Variants in FTO observed in about 807,000 individuals in gnomAD.
The protein encoded by FTO is FTO alpha-ketoglutarate dependent dioxygenase.
A neutral mutation model predicts 63.9 loss-of-function variants in FTO; 47 were observed. The ratio of observed to expected loss-of-function variants is 0.74; its 90% CI spans 0.58 to 0.94. The LOEUF is 0.94. FTO is among the 40% of genes least tolerant of loss of function. The pLI, the probability that FTO is intolerant of heterozygous loss-of-function variation, is 0.00. For synonymous variants in FTO, 207 were observed against 224.4 expected (o/e 0.92, Z 0.69); for missense variants, 562 against 618.1 (o/e 0.91, Z 0.96).
intron 8 of FTO, among the ~76,000 whole-genome samples, chr16:53,972,479 A>G (rs1010784576): frequency 6.6e-6 from 1 of 152,232 alleles, no homozygotes; most frequent in African/African-American, 2.4e-5. Flanking sequence ...TGCCATGTAG[A>G]TATTAAGTTG....
rs1351530156 is a variant in FTO at position 54,115,685 on chromosome 16, T to C, written c.*3770T>C. On this transcript the variant is annotated 3_prime_UTR_variant, in exon 9 of 9. Coordinates refer to ENST00000471389, the MANE Select transcript of FTO (RefSeq NM_001080432.3). ...GACCAGGAGGGGAGAAGGGGAGATG[T>C]AGGGCAGAGCAGACGGGAGCCGCTC... The C allele has an allele frequency of 1.3e-5, 2 of 152,114 alleles. No individual in the cohort carries two copies. Among genetic ancestry groups the C allele is most frequent in the Non-Finnish European group, 2.9e-5 (2 of 68,194 alleles). 9.4% of individuals were successfully genotyped at this position (152,114 alleles called of 1,614,324 possible). A position where few individuals can be genotyped will look rare whatever the true frequency, so the allele number is the denominator to read the frequency against.
chr16:54,052,113 T>C (rs1207997352), intron 8 of FTO, among the ~76,000 whole-genome samples: 1 of 152,180 alleles, frequency 6.6e-6, no homozygotes, highest in Admixed American at 6.5e-5. Context: ...GGATCATTCG[T>C]GTCTTATACT....
chr16:53,984,230 G>C (rs576945971), intron 8 of FTO, among the ~76,000 whole-genome samples: 2 of 151,834 alleles, frequency 1.3e-5, no homozygotes, highest in South Asian at 4.2e-4. Flanking sequence ...AAGTTTACAG[G>C]GCATAACCAC....
At chr16:54,064,831 C>T (rs566970770) in intron 8 of FTO, among the ~76,000 whole-genome samples, 18 of 152,218 alleles carry the variant, frequency 1.2e-4, no homozygotes, top group Admixed American at 4.6e-4. Flanking sequence ...CAGGGAAGCA[C>T]GCCAGATAAC....
rs57004473 is a variant in FTO, at chr16:53,852,101, C to CAAAAAAAAAAAAA, written c.895+7810_895+7822dup. Among the ~76,000 whole-genome samples, 50 of 54,430 alleles carry CAAAAAAAAAAAAA rather than the reference C, an allele frequency of 9.2e-4. 8 individuals are homozygous for CAAAAAAAAAAAAA. Among genetic ancestry groups the CAAAAAAAAAAAAA allele is most frequent in the African/African-American group, 2.2e-3 (38 of 16,908 alleles). 35.7% of individuals were successfully genotyped at this position (54,430 alleles called of 152,430 possible). ...CAAAACTCTGTCTCTACAAAAAATA[C>CAAAAAAAAAAAAA]AAAAAAAAAAAAAAAAAAAGCCAGG... On this transcript the variant is annotated intron_variant, in intron 4 of 8. Transcript: ENST00000471389.
In FTO at chr16:54,120,392, C is replaced by G. The variant is rs1052813822; in HGVS notation, c.*8477C>G. ...CTTCCGGAATGTCAGACTCTGCTAG[C>G]AACACAAGGTCCCTGTCCTCAAAAT... On this transcript the variant is annotated 3_prime_UTR_variant, in exon 9 of 9. Coordinates refer to ENST00000471389, the MANE Select transcript of FTO (RefSeq NM_001080432.3). 2 of 152,254 alleles carry G rather than the reference C, an allele frequency of 1.3e-5. No homozygotes were observed. The highest frequency in any genetic ancestry group is 2.9e-5 in the Non-Finnish European group (2 of 68,062). 9.4% of individuals were successfully genotyped at this position (152,254 alleles called of 1,614,324 possible).
intron 4 of FTO, among the ~76,000 whole-genome samples, chr16:53,871,286 T>G (rs144783203): frequency 6.8e-4 from 104 of 152,338 alleles, no homozygotes; most frequent in African/African-American, 2.5e-3. Context: ...AAATTAAATT[T>G]TCATTAAATG....
At chr16:53,953,026 C>T (rs1023607116) in intron 8 of FTO, among the ~76,000 whole-genome samples, 1 of 152,138 alleles carries the variant, frequency 6.6e-6, no homozygotes, top group Non-Finnish European at 1.5e-5. Context: ...AAAACCCGTC[C>T]AATGAACGTT....
intron 8 of FTO, among the ~76,000 whole-genome samples, chr16:54,102,814 A>G (rs2086666633): frequency 6.6e-6 from 1 of 152,136 alleles, no homozygotes; most frequent in Admixed American, 6.5e-5. Flanking sequence ...TAATTATGCT[A>G]ATTGGCCAAG....
chr16:53,995,421 C>G (rs2083911769), intron 8 of FTO, among the ~76,000 whole-genome samples: 1 of 152,188 alleles, frequency 6.6e-6, no homozygotes, highest in Non-Finnish European at 1.5e-5. Context: ...ACTGAGGAAG[C>G]CTCATGTGAG....
chr16:53,873,500 A>G (rs557299854), intron 4 of FTO, among the ~76,000 whole-genome samples: 1 of 149,416 alleles, frequency 6.7e-6, no homozygotes, highest in East Asian at 1.9e-4. Context: ...ATATATAAGT[A>G]TATCATATTT....
chr16:53,805,328 A>G (rs575725593), intron 1 of FTO, among the ~76,000 whole-genome samples: 86 of 152,198 alleles, frequency 5.7e-4, no homozygotes, highest in African/African-American at 2.1e-3. Context: ...CCATATCTCT[A>G]TGTGACAAGA....
At chr16:54,033,551 T>C (rs1270547315) in intron 8 of FTO, among the ~76,000 whole-genome samples, 2 of 152,126 alleles carry the variant, frequency 1.3e-5, no homozygotes, top group Admixed American at 1.3e-4. Context: ...GACACAGTGG[T>C]TCATGCCTGT....
intron 1 of FTO, among the ~76,000 whole-genome samples, chr16:53,775,954 A>C (rs1478996956): frequency 6.6e-6 from 1 of 151,880 alleles, no homozygotes; most frequent in Admixed American, 6.6e-5. Flanking sequence ...CGACAATGTA[A>C]ATATTTGTTG....
chr16:53,919,827 C>T (rs1055543842), intron 7 of FTO, among the ~76,000 whole-genome samples: 9 of 152,014 alleles, frequency 5.9e-5, no homozygotes, highest in Non-Finnish European at 8.8e-5. Context: ...ACTTTGGGGA[C>T]TTGGGGAAAA....
At chr16:53,935,146 C>T (rs527492230) in intron 8 of FTO, among the ~76,000 whole-genome samples, 1 of 152,280 alleles carries the variant, frequency 6.6e-6, no homozygotes, top group African/African-American at 2.4e-5. Flanking sequence ...TGTCATCCGT[C>T]TCTAAGCCAG....
intron 7 of FTO, among the ~76,000 whole-genome samples, chr16:53,913,941 T>G (rs1324382422): frequency 6.7e-6 from 1 of 149,606 alleles, no homozygotes; most frequent in Non-Finnish European, 1.5e-5. Context: ...ACCACACCAC[T>G]GCACTCCGGC....
intron 7 of FTO, among the ~76,000 whole-genome samples, chr16:53,910,296 T>G (rs1009515502): frequency 5.9e-5 from 9 of 152,112 alleles, no homozygotes; most frequent in African/African-American, 1.9e-4. Flanking sequence ...AATGATACAC[T>G]TAGAAATTTG....
At chr16:53,764,771 G>A (rs1214968222) in intron 1 of FTO, among the ~76,000 whole-genome samples, 2 of 152,024 alleles carry the variant, frequency 1.3e-5, no homozygotes, top group African/African-American at 4.8e-5. Flanking sequence ...CCAGGCTGGA[G>A]TACAGTGGCA....
Sources: allele counts gnomAD v4.1 joint callset (sites outside exome capture counted in the v4.1 genomes callset), GRCh38; gene constraint gnomAD v4.1.1; transcripts MANE v1.5; gene names NCBI Gene and HGNC (gene_info 2026-07-23, HGNC 2026-07-21).